TIMM21: variants seen among roughly 807,000 people sequenced by gnomAD.
TIMM21 encodes the protein mitochondrial import inner membrane translocase subunit Tim21.
TIMM21 carries 30 observed loss-of-function variants against 27.7 expected under a neutral mutation model. The ratio of observed to expected loss-of-function variants is 1.08; its 90% CI spans 0.81 to 1.47. The LOEUF (loss-of-function observed/expected upper bound fraction) is 1.47. TIMM21 is among the 40% of genes most tolerant of loss of function. The pLI is 0.00. For synonymous variants in TIMM21, 121 were observed against 114.4 expected (o/e 1.06, Z -0.37); for missense variants, 292 against 302.9 (o/e 0.96, Z 0.27).
intron 1 of TIMM21, among the ~76,000 whole-genome samples, chr18:74,150,393 T>A (rs1283014551): frequency 6.6e-6 from 1 of 152,218 alleles, no homozygotes; most frequent in East Asian, 1.9e-4. Context: ...ACTGAAGAAC[T>A]GAATTGATTT....
chr18:74,156,443 A>G (rs939932877), intron 3 of TIMM21: 2 of 395,738 alleles, frequency 5.1e-6, no homozygotes, highest in African/African-American at 4.1e-5. Flanking sequence ...CTTTCCTTTT[A>G]AATCCACTGA....
chr18:74,156,469 C>T, intron 3 of TIMM21: 2 of 394,144 alleles, frequency 5.1e-6, no homozygotes, highest in Non-Finnish European at 8.9e-6. Context: ...CTTCATTGAG[C>T]TCTGGACAGC....
At chr18:74,157,726 G>A in intron 3 of TIMM21, 1 of 313,768 alleles carries the variant, frequency 3.2e-6, no homozygotes. Flanking sequence ...TTCCTGAGTA[G>A]CTGGGACTAC....
At chr18:74,154,385 T>C (rs1236114391) in intron 1 of TIMM21, among the ~76,000 whole-genome samples, 3 of 151,942 alleles carry the variant, frequency 2.0e-5, no homozygotes, top group African/African-American at 4.8e-5. Flanking sequence ...CCTCAGCCTC[T>C]CGAGTAGCTG....
chr18:74,155,293 T>C lies in TIMM21; in HGVS notation c.365-13T>C. The stretch of plus-strand genomic sequence containing the variant: ...CCCTTGCTTCGCTTCATCTTTGTTT[T>C]CTGTGATTTCAGGTGGCTTGTTTTA... On this transcript the variant is annotated splice_polypyrimidine_tract_variant and intron_variant, in intron 2 of 5. Coordinates refer to ENST00000169551, the MANE Select transcript of TIMM21 (RefSeq NM_014177.3). 1.2e-6 allele frequency: 2 copies of C among 1,612,702 alleles called. No homozygotes were observed. The highest frequency in any genetic ancestry group is 1.7e-6 in the Non-Finnish European group (2 of 1,179,710).
At chr18:74,155,553 T>A in intron 3 of TIMM21, 150 bp downstream of exon 3, 2 of 659,568 alleles carry the variant, frequency 3.0e-6, no homozygotes, top group Admixed American at 6.5e-5. Flanking sequence ...CATTATTAGG[T>A]CTTTGCTCTT....
chr18:74,148,994 G>C lies in TIMM21; in HGVS notation c.186G>C (p.Gln62His). 6.2e-7 allele frequency: 1 copy of C among 1,614,212 alleles called. No homozygotes were observed. Among genetic ancestry groups the C allele is most frequent in the Non-Finnish European group, 8.5e-7 (1 of 1,180,040 alleles). ...LRPRCILGVT[Q>H]KTIWTQGPSP... Reference sequence around the variant, plus strand: ...CTAGATGTATTCTTGGAGTCACCCAGAAAACCATCTGGACGCAGGGACCGA... The same window carrying C: ...CTAGATGTATTCTTGGAGTCACCCACAAAACCATCTGGACGCAGGGACCGA... Residue 62 changes from glutamine to histidine, a missense_variant, in exon 1 of 6, where the codon CAG (glutamine) becomes CAC (histidine). Physicochemically the swap from Gln to His is conservative, Grantham distance 24 (BLOSUM62 0). Transcript: ENST00000169551.
Position 74,148,912 on chromosome 18 carries a change from T to C in TIMM21, c.104T>C (p.Leu35Ser), listed in dbSNP as rs371231552. ...LPYIVLNKAC[L>S]KTEPSLRCGL... ...TACATCGTGCTTAACAAAGCGTGCT[T>C]GAAGACTGAGCCCAGTTTGAGATGT... The change falls in exon 1 of 6, where the codon TTG becomes TCG. Residue 35 changes from leucine to serine, a missense_variant. By Grantham distance (145) the Leu-to-Ser change is moderately radical. Coordinates refer to ENST00000169551, the MANE Select transcript of TIMM21 (RefSeq NM_014177.3). The C allele has an allele frequency of 3.1e-6, 5 of 1,614,068 alleles. No individual in the cohort carries two copies. The African/African-American group carries it at 4.0e-5, about 13-fold the overall frequency.
intron 3 of TIMM21, chr18:74,156,356 G>A (rs1373512139): frequency 5.1e-6 from 2 of 394,866 alleles, no homozygotes; most frequent in Admixed American, 8.9e-5. Flanking sequence ...TCTTCCCTGG[G>A]GCCCCGGCTC....
chr18:74,155,113 A>C lies in TIMM21; in HGVS notation c.302-32A>C, dbSNP rs747959111. 2.5e-6 allele frequency: 4 copies of C among 1,609,624 alleles called. No homozygotes were observed. The Admixed American group carries it at 6.7e-5, about 27-fold the overall frequency. ...ACAAGCTTGCCTGCTCCCAGCCGGC[A>C]CCCGTAACCCATTGGTGTTTTCTCT... On this transcript the variant is annotated intron_variant, in intron 1 of 5. Coordinates refer to ENST00000169551, the MANE Select transcript of TIMM21 (RefSeq NM_014177.3).
rs760883067 is a variant in TIMM21, at chr18:74,158,074, CG to C, written c.525del (p.Gln176SerfsTer9). On this transcript the variant is annotated frameshift_variant, in exon 4 of 6. Coordinates refer to ENST00000169551, the MANE Select transcript of TIMM21 (RefSeq NM_014177.3). LOFTEE classifies it high-confidence loss of function. ...TGGGGAGGTGACAAGGCGGGGTCGC[CG>C]GCAGCATGTCAGGTACTGTGGCTTG... ...GYGEVTRRGR[R>X]QHVRFTEYVK... is the part of the protein sequence containing the mutation. The C allele has an allele frequency of 5.0e-6, 8 of 1,614,116 alleles. No individual in the cohort carries two copies.
chr18:74,158,719 A>G lies in TIMM21; in HGVS notation c.*239A>G. The stretch of plus-strand genomic sequence containing the variant: ...ATGACAATATTTCTGCTTTAACACC[A>G]TCTTTCATGATTAGAAATGTTTGTT... On this transcript the variant is annotated 3_prime_UTR_variant, in exon 6 of 6. Coordinates refer to ENST00000169551, the MANE Select transcript of TIMM21 (RefSeq NM_014177.3). 1 of 392,328 alleles carries G rather than the reference A, an allele frequency of 2.5e-6. No homozygotes were observed. The highest frequency in any genetic ancestry group is 4.6e-6 in the Non-Finnish European group (1 of 217,526). The allele number at this position is 392,328 out of a possible 1,614,324, so 24.3% of individuals were successfully genotyped here. A position where few individuals can be genotyped will look rare whatever the true frequency, so the allele number is the denominator to read the frequency against.
intron 3 of TIMM21, among the ~76,000 whole-genome samples, chr18:74,155,882 T>G (rs1338824651): frequency 2.0e-5 from 3 of 152,188 alleles, no homozygotes; most frequent in Non-Finnish European, 1.5e-5. Flanking sequence ...TTAAAGAGAT[T>G]AAGTAACTTC....
rs561344774 is a variant in TIMM21, at chr18:74,159,546, C to A, written c.*1066C>A. The A allele has an allele frequency of 5.3e-5, 8 of 152,102 alleles. No individual in the cohort carries two copies. The highest frequency in any genetic ancestry group is 2.0e-4 in the Admixed American group (3 of 15,278). The allele number at this position is 152,102 out of a possible 1,614,324, so 9.4% of individuals were successfully genotyped here. On this transcript the variant is annotated 3_prime_UTR_variant, in exon 6 of 6. Coordinates refer to ENST00000169551, the MANE Select transcript of TIMM21 (RefSeq NM_014177.3). ...TGGGATATTCAGGATAGAGAGACCTCCAGGCAATCTATCTCCCCTTTTTAC... is the reference window on the plus strand; with the variant it reads ...TGGGATATTCAGGATAGAGAGACCTACAGGCAATCTATCTCCCCTTTTTAC...
At position 74,157,062 on chromosome 18, in the gene TIMM21, C is replaced by T. The variant is rs1042163503; in HGVS notation, c.463-952C>T. ...CAAACAGACAAAATAAGATAAATTTCGTAGAGTTGAGGGTCAAACTTTTTT... is the reference window on the plus strand; with the variant it reads ...CAAACAGACAAAATAAGATAAATTTTGTAGAGTTGAGGGTCAAACTTTTTT... On this transcript the variant is annotated intron_variant, in intron 3 of 5. Transcript: ENST00000169551. 3.9e-5 allele frequency: 6 copies of T among 152,040 alleles called. No homozygotes were observed. In the South Asian group the frequency reaches 1.2e-3, roughly 31 times the overall value. 9.4% of individuals were successfully genotyped at this position (152,040 alleles called of 1,614,324 possible). A position where few individuals can be genotyped will look rare whatever the true frequency, so the allele number is the denominator to read the frequency against.
rs1979706431 is a variant in TIMM21, at chr18:74,149,096, A to G, written c.288A>G (p.Pro96=). Residue 96 remains proline (P), a synonymous_variant, in exon 1 of 6, where the codon CCA becomes CCG. Transcript: ENST00000169551. ...GTCAGAGAGGGGGAACCGCCGTCCC[A>G]ACATCACAAAAAGGTAAAAAGGAGT... is the stretch of plus-strand genomic sequence containing the variant. ...HRSQRGGTAV[P]TSQKVKEAGR... is the part of the protein sequence containing the mutation. The G allele has an allele frequency of 6.2e-7, 1 of 1,609,368 alleles. No homozygotes were observed. The highest frequency in any genetic ancestry group is 1.1e-5 in the South Asian group (1 of 90,982).
rs922943506 is a variant in TIMM21 at position 74,151,943 on chromosome 18, C to CG, written c.301+2834_301+2835insG. ...GAAGCAGTGGTGTCTATGTTCCCCCCCCCCCCGGGGGGACCTCCAGCTCCT... is the reference window on the plus strand; with the variant it reads ...GAAGCAGTGGTGTCTATGTTCCCCCCGCCCCCCGGGGGGACCTCCAGCTCCT... On this transcript the variant is annotated intron_variant, in intron 1 of 5. Transcript: ENST00000169551. 7.5e-5 allele frequency among the ~76,000 whole-genome samples: 11 copies of CG among 145,966 alleles called. 2 individuals carry two copies. Among genetic ancestry groups the CG allele is most frequent in the African/African-American group, 2.7e-4 (10 of 36,850 alleles).
At position 74,149,126 on chromosome 18, in the gene TIMM21, TAA is replaced by T. The variant is rs1169858164; in HGVS notation, c.301+18_301+19del. The T allele has an allele frequency of 6.3e-7, 1 of 1,597,216 alleles. No homozygotes were observed. The highest frequency in any genetic ancestry group is 8.6e-7 in the Non-Finnish European group (1 of 1,168,600). ...CACAAAAAGGTAAAAAGGAGTACTTTAATGATTGGGCTTTCAACAGACATGAC... is the reference window on the plus strand; with the variant it reads ...CACAAAAAGGTAAAAAGGAGTACTTTTGATTGGGCTTTCAACAGACATGAC... On this transcript the variant is annotated intron_variant, in intron 1 of 5. Transcript: ENST00000169551.
At chr18:74,157,608 T>G (rs9966949) in intron 3 of TIMM21, 7,283 of 157,838 alleles carry the variant, frequency 0.046, 598 homozygotes, top group African/African-American at 0.16. Flanking sequence ...TTTGTTTGTT[T>G]GTTTTGAGAC....
Sources: gnomAD v4.1 joint callset for allele counts (sites outside exome capture counted in the v4.1 genomes callset) on GRCh38, gnomAD v4.1.1 for gene constraint, MANE v1.5 for transcripts, NCBI Gene and HGNC (gene_info 2026-07-23, HGNC 2026-07-21) for gene names.